Variants in MCHR2 observed in about 807,000 individuals in gnomAD.
MCHR2 encodes the protein melanin concentrating hormone receptor 2.
A neutral mutation model predicts 24.8 loss-of-function variants in MCHR2; 15 were observed. The observed-to-expected ratio is 0.60, with a 90% CI of 0.40 to 0.93. MCHR2 has a LOEUF of 0.93. Among genes scored for constraint, MCHR2 ranks in the 40% least tolerant of loss-of-function variants. MCHR2 has a pLI of 0.00. For synonymous variants in MCHR2, 151 were observed against 147.6 expected (o/e 1.02, Z -0.17); for missense variants, 386 against 408.7 (o/e 0.94, Z 0.48).
At chr6:99,926,711 A>G (rs1774367965) in intron 5 of MCHR2, among the ~76,000 whole-genome samples, 1 of 151,970 alleles carries the variant, frequency 6.6e-6, no homozygotes, top group African/African-American at 2.4e-5. Context: ...AATCTGTTTG[A>G]GTTCATTGTA....
intron 4 of MCHR2, among the ~76,000 whole-genome samples, chr6:99,935,217 A>C (rs994402044): frequency 6.6e-6 from 1 of 152,086 alleles, no homozygotes; most frequent in Non-Finnish European, 1.5e-5. Flanking sequence ...TGCTAGAAAC[A>C]TTCAAATTAT....
chr6:99,955,322 A>G (rs1432299131), intron 2 of MCHR2, among the ~76,000 whole-genome samples: 2 of 152,216 alleles, frequency 1.3e-5, no homozygotes, highest in Non-Finnish European at 2.9e-5. Context: ...TCTCTACTTG[A>G]GAGGAGGAAA....
At chr6:99,966,852 G>A (rs1775304619) in intron 1 of MCHR2, among the ~76,000 whole-genome samples, 1 of 151,540 alleles carries the variant, frequency 6.6e-6, no homozygotes, top group Admixed American at 6.6e-5. Flanking sequence ...ATATCTAGGG[G>A]CCATTTTCAT....
chr6:99,937,372 G>A (rs908447373), intron 4 of MCHR2, among the ~76,000 whole-genome samples: 15 of 151,852 alleles, frequency 9.9e-5, no homozygotes, highest in Non-Finnish European at 1.9e-4. Flanking sequence ...TTATTTTGAG[G>A]TATGTTCCTT....
chr6:99,989,833 T>C (rs1284580617), intron 1 of MCHR2, among the ~76,000 whole-genome samples: 2 of 152,180 alleles, frequency 1.3e-5, no homozygotes, highest in African/African-American at 2.4e-5. Flanking sequence ...AATGCCTTAA[T>C]AGTACACAAT....
chr6:99,950,628 AAAAG>A (rs573421251), intron 2 of MCHR2, among the ~76,000 whole-genome samples: 219 of 152,268 alleles, frequency 1.4e-3, no homozygotes, highest in Non-Finnish European at 2.4e-3. Flanking sequence ...GTAAAAAGAA[AAAAG>A]AAAGAATACT....
intron 5 of MCHR2, among the ~76,000 whole-genome samples, chr6:99,931,675 C>T (rs908279774): frequency 1.3e-5 from 2 of 152,162 alleles, no homozygotes; most frequent in Non-Finnish European, 2.9e-5. Flanking sequence ...TGTGCCGTCT[C>T]CTAAGCCCGT....
chr6:99,961,820 C>T (rs780787019), intron 1 of MCHR2, among the ~76,000 whole-genome samples: 15 of 152,014 alleles, frequency 9.9e-5, no homozygotes, highest in Non-Finnish European at 1.9e-4. Context: ...CAAACCTGCA[C>T]ATTGTGCACA....
At chr6:99,989,669 C>T (rs1271548136) in intron 1 of MCHR2, among the ~76,000 whole-genome samples, 1 of 152,044 alleles carries the variant, frequency 6.6e-6, no homozygotes, top group Non-Finnish European at 1.5e-5. Context: ...ATAGACTTTG[C>T]TTAATAAGCC....
chr6:99,955,675 A>G (rs963887426), intron 2 of MCHR2, among the ~76,000 whole-genome samples: 1 of 152,078 alleles, frequency 6.6e-6, no homozygotes, highest in African/African-American at 2.4e-5. Flanking sequence ...AGCTCCCCAG[A>G]TGATTCTAAT....
chr6:99,941,420 AT>A (rs1038020056), intron 4 of MCHR2, among the ~76,000 whole-genome samples: 1 of 151,984 alleles, frequency 6.6e-6, no homozygotes, highest in Non-Finnish European at 1.5e-5. Context: ...CTATGCTGCC[AT>A]TTTGGAACTG....
chr6:99,989,652 G>A (rs765828668), intron 1 of MCHR2, among the ~76,000 whole-genome samples: 2 of 152,014 alleles, frequency 1.3e-5, no homozygotes, highest in Non-Finnish European at 2.9e-5. Flanking sequence ...TGCTCCTGAA[G>A]AGCTACATAG....
intron 4 of MCHR2, 142 bp from the exon 5 acceptor site, chr6:99,934,659 A>C: frequency 2.8e-6 from 2 of 704,800 alleles, no homozygotes; most frequent in Non-Finnish European, 4.2e-6. Flanking sequence ...GGAAAAGCTC[A>C]AGATCTTTGG....
intron 5 of MCHR2, among the ~76,000 whole-genome samples, chr6:99,928,023 T>C (rs566334098): frequency 6.6e-6 from 1 of 152,336 alleles, no homozygotes; most frequent in Admixed American, 6.5e-5. Flanking sequence ...CAATACCTAA[T>C]TTATTGAGAG....
chr6:99,926,186 A>T (rs1287426588), intron 5 of MCHR2, among the ~76,000 whole-genome samples: 1 of 152,148 alleles, frequency 6.6e-6, no homozygotes, highest in African/African-American at 2.4e-5. Flanking sequence ...ATGGCTGCAT[A>T]GTATTCCATG....
intron 2 of MCHR2, among the ~76,000 whole-genome samples, chr6:99,949,077 C>T (rs1774923791): frequency 6.6e-6 from 1 of 152,068 alleles, no homozygotes; most frequent in Non-Finnish European, 1.5e-5. Flanking sequence ...TTAGTTGGTT[C>T]CTACTTCAAG....
intron 5 of MCHR2, among the ~76,000 whole-genome samples, chr6:99,932,270 T>C (rs1271714342): frequency 6.6e-6 from 1 of 152,086 alleles, no homozygotes; most frequent in Non-Finnish European, 1.5e-5. Flanking sequence ...ACTCAATGTG[T>C]GAAAGAAACA....
At chr6:99,934,616 T>C (rs1774619282) in intron 4 of MCHR2, 99 bp from the exon 5 acceptor site, 2 of 1,151,478 alleles carry the variant, frequency 1.7e-6, no homozygotes, top group Non-Finnish European at 2.3e-6. Flanking sequence ...CATAATTCTT[T>C]CATTTTTCAG....
intron 1 of MCHR2, among the ~76,000 whole-genome samples, chr6:99,975,014 G>C (rs1262499111): frequency 1.3e-5 from 2 of 152,204 alleles, no homozygotes; most frequent in African/African-American, 4.8e-5. Context: ...AGGCTGCTCG[G>C]CGGTCAGGGA....
Sources: gnomAD v4.1 joint callset for allele counts (sites outside exome capture counted in the v4.1 genomes callset) on GRCh38, gnomAD v4.1.1 for gene constraint, MANE v1.5 for transcripts, NCBI Gene and HGNC (gene_info 2026-07-23, HGNC 2026-07-21) for gene names.